ABCB1: variants seen among roughly 807,000 people sequenced by gnomAD.
The protein encoded by ABCB1 is ATP binding cassette subfamily B member 1, also known as ATP-dependent translocase ABCB1.
Under a neutral mutation model 142.0 loss-of-function variants are expected in ABCB1, and 69 were observed. The observed-to-expected ratio is 0.49, with a 90% CI of 0.40 to 0.59. The LOEUF is 0.59. Ranked by LOEUF, ABCB1 falls within the 20% of genes least tolerant of loss-of-function variation. The pLI, the probability that ABCB1 is intolerant of heterozygous loss-of-function variation, is 0.00. For synonymous variants in ABCB1, 532 were observed against 539.2 expected (o/e 0.99, Z 0.18); for missense variants, 1,326 against 1,554.7 (o/e 0.85, Z 2.47).
chr7:87,553,108 AT>A (rs201609936), intron 9 of ABCB1, among the ~76,000 whole-genome samples: 4,078 of 152,236 alleles, frequency 0.027, 54 homozygotes, highest in Non-Finnish European at 0.038. Context: ...GTATTTTGCC[AT>A]TTTTGTGAAT....
chr7:87,664,592 A>C (rs1216407189), intron 1 of ABCB1, among the ~76,000 whole-genome samples: 1 of 152,176 alleles, frequency 6.6e-6, no homozygotes, highest in Non-Finnish European at 1.5e-5. Flanking sequence ...ATGGAAATTT[A>C]AAAGTATGAT....
chr7:87,513,228 G>T (rs1563028291), intron 25 of ABCB1, among the ~76,000 whole-genome samples: 1 of 116,618 alleles, frequency 8.6e-6, no homozygotes, highest in East Asian at 2.5e-4. Flanking sequence ...TTGGAAGTCT[G>T]GGAGCAAATA....
intron 22 of ABCB1, among the ~76,000 whole-genome samples, chr7:87,520,252 A>G (rs992449969): frequency 6.6e-6 from 1 of 152,156 alleles, no homozygotes; most frequent in Non-Finnish European, 1.5e-5. Context: ...ATCCATCAAT[A>G]AAGTCCAGCT....
At chr7:87,630,926 G>A (rs28381767) in intron 1 of ABCB1, among the ~76,000 whole-genome samples, 4,755 of 152,062 alleles carry the variant, frequency 0.031, 73 homozygotes, top group Middle Eastern at 0.048. Flanking sequence ...TTTTAGGAAC[G>A]TCACACTGAT....
chr7:87,583,291 G>T (rs1584900483), intron 4 of ABCB1, among the ~76,000 whole-genome samples: 1 of 152,286 alleles, frequency 6.6e-6, no homozygotes, highest in East Asian at 1.9e-4. Flanking sequence ...ACTAAAGTAT[G>T]AATAAATTCC....
chr7:87,569,363 TTCAA>T (rs1817939352), intron 5 of ABCB1, among the ~76,000 whole-genome samples: 1 of 151,284 alleles, frequency 6.6e-6, no homozygotes, highest in African/African-American at 2.4e-5. Flanking sequence ...ATCTATTTTT[TTCAA>T]ATGTACCCAG....
intron 22 of ABCB1, among the ~76,000 whole-genome samples, chr7:87,520,003 C>CG (rs1563031947): frequency 6.6e-6 from 1 of 151,974 alleles, no homozygotes; most frequent in African/African-American, 2.4e-5. Flanking sequence ...CTAAATTCTT[C>CG]GGGGGTCTCA....
chr7:87,550,459 T>G lies in ABCB1; in HGVS notation c.1224+9A>C. The G allele has an allele frequency of 6.2e-7, 1 of 1,609,418 alleles. No homozygotes were observed. On this transcript the variant is annotated intron_variant, in intron 11 of 27. Transcript: ENST00000622132. ...AGATTAATTGTTGATTAATCATTTA[T>G]CACTGTACCTTAACTTCTTTTCGAG...
At chr7:87,711,125 A>G (rs1439592661) in intron 1 of ABCB1, among the ~76,000 whole-genome samples, 13 of 152,094 alleles carry the variant, frequency 8.5e-5, no homozygotes. Flanking sequence ...TCTGGAGTTC[A>G]AGACCAGCCT....
upstream of ABCB1, among the ~76,000 whole-genome samples, chr7:87,602,002 T>A (rs894067153): frequency 6.6e-6 from 1 of 152,198 alleles, no homozygotes; most frequent in Admixed American, 6.5e-5. Context: ...TTCTTTCTTT[T>A]TTCTTTTTTG....
intron 8 of ABCB1, among the ~76,000 whole-genome samples, chr7:87,555,140 T>G (rs1817254669): frequency 6.6e-6 from 1 of 152,132 alleles, no homozygotes; most frequent in Admixed American, 6.5e-5. Flanking sequence ...AGGATAGCTA[T>G]GGAGATAAGC....
intron 1 of ABCB1, among the ~76,000 whole-genome samples, chr7:87,694,821 A>G (rs974732533): frequency 6.6e-6 from 1 of 152,190 alleles, no homozygotes; most frequent in African/African-American, 2.4e-5. Context: ...AAAAAAGCCT[A>G]TTAAATTGAT....
intron 1 of ABCB1, among the ~76,000 whole-genome samples, chr7:87,687,710 G>A (rs1260684716): frequency 6.6e-6 from 1 of 152,076 alleles, no homozygotes; most frequent in Non-Finnish European, 1.5e-5. Flanking sequence ...AAACGAGTTA[G>A]AACTCCTGTG....
Position 87,516,599 on chromosome 7 carries a change from A to G in ABCB1, c.2994T>C (p.Tyr998=). 1 of 1,614,220 alleles carries G rather than the reference A, an allele frequency of 6.2e-7. No individual in the cohort carries two copies. Among genetic ancestry groups the G allele is most frequent in the South Asian group, 1.1e-5 (1 of 91,088 alleles). ...GGGCTGCTGATATTTTGGCTTTGGC[A>G]TAGTCAGGAGCAAATGAACTGACTT... ...VGQVSSFAPD[Y]AKAKISAAHI... The change falls in exon 24 of 28, where the codon TAT becomes TAC. Residue 998 remains tyrosine, a synonymous_variant. Transcript: ENST00000622132.
At chr7:87,625,943 A>T (rs1251672749) in intron 1 of ABCB1, among the ~76,000 whole-genome samples, 1 of 150,274 alleles carries the variant, frequency 6.7e-6, no homozygotes, top group East Asian at 1.9e-4. Context: ...TAAGACTGAC[A>T]CTATATACGT....
Position 87,626,056 on chromosome 7 carries a change from A to T in ABCB1, c.-330-24978T>A, listed in dbSNP as rs145870850. ...GAGAGAGAGAGAGAGATGGAGTCTCATTCTGTCGCCCAGGCTGAGACATAT... is the reference window on the plus strand; with the variant it reads ...GAGAGAGAGAGAGAGATGGAGTCTCTTTCTGTCGCCCAGGCTGAGACATAT... On this transcript the variant is annotated intron_variant, in intron 1 of 28. Transcript: ENST00000265724. Among the ~76,000 whole-genome samples, 859 of 126,522 alleles carry T rather than the reference A, an allele frequency of 6.8e-3. 33 individuals are homozygous for T. The highest frequency in any genetic ancestry group is 0.016 in the East Asian group (59 of 3,794). 83.0% of individuals were successfully genotyped at this position (126,522 alleles called of 152,430 possible). A position where few individuals can be genotyped will look rare whatever the true frequency, so the allele number is the denominator to read the frequency against.
chr7:87,672,481 T>C (rs1215115128), intron 1 of ABCB1, among the ~76,000 whole-genome samples: 1 of 152,110 alleles, frequency 6.6e-6, no homozygotes, highest in African/African-American at 2.4e-5. Context: ...TGGGGTGCCG[T>C]GGAAGTGGGG....
chr7:87,650,792 C>G (rs748895746), intron 1 of ABCB1: 15 of 1,400,136 alleles, frequency 1.1e-5, no homozygotes, highest in Non-Finnish European at 1.5e-5. Context: ...TCAACTCTGC[C>G]TAAAAGCAAC....
At chr7:87,628,408 C>A (rs1008733901) in intron 1 of ABCB1, 1 of 159,186 alleles carries the variant, frequency 6.3e-6, no homozygotes, top group Non-Finnish European at 1.4e-5. Flanking sequence ...GCCGCTGCCT[C>A]CCGGGCTGGG....
Sources: gnomAD v4.1 joint callset for allele counts (sites outside exome capture counted in the v4.1 genomes callset) on GRCh38, gnomAD v4.1.1 for gene constraint, MANE v1.5 for transcripts, NCBI Gene and HGNC (gene_info 2026-07-23, HGNC 2026-07-21) for gene names.